Variants in GALNT17 observed in about 807,000 individuals in gnomAD.
The protein encoded by GALNT17 is UDP-GalNAc:polypeptide N-acetylgalactosaminyltransferase-like 3.
GALNT17 carries 29 observed loss-of-function variants against 63.7 expected under a neutral mutation model. That is an observed-to-expected ratio of 0.46 (90% confidence interval 0.34 to 0.62). The LOEUF is 0.62. GALNT17 is among the 20% of genes least tolerant of loss of function. GALNT17 has a pLI of 0.01. For synonymous variants in GALNT17, 305 were observed against 318.3 expected (o/e 0.96, Z 0.45); for missense variants, 603 against 799.6 (o/e 0.75, Z 2.97).
chr7:71,703,475 A>C (rs900748955), intron 9 of GALNT17, among the ~76,000 whole-genome samples: 1 of 152,200 alleles, frequency 6.6e-6, no homozygotes, highest in African/African-American at 2.4e-5. Context: ...CACCAAGGGG[A>C]TGGTGCTTAA....
chr7:71,558,869 A>T (rs1428841311), intron 5 of GALNT17, among the ~76,000 whole-genome samples: 1 of 152,224 alleles, frequency 6.6e-6, no homozygotes, highest in East Asian at 1.9e-4. Flanking sequence ...AGCCAAGGAA[A>T]TGAGTTTTGA....
At chr7:71,352,721 C>A (rs1475911300) in intron 2 of GALNT17, among the ~76,000 whole-genome samples, 2 of 152,078 alleles carry the variant, frequency 1.3e-5, no homozygotes, top group African/African-American at 2.4e-5. Flanking sequence ...GGCAGCAGCC[C>A]AGGAGTGAGT....
intron 6 of GALNT17, among the ~76,000 whole-genome samples, chr7:71,647,316 G>T (rs562548900): frequency 6.6e-6 from 1 of 150,806 alleles, no homozygotes; most frequent in Non-Finnish European, 1.5e-5. Context: ...TGATCTGCCT[G>T]CCTCGGCCTC....
chr7:71,518,962 G>A (rs893382712), intron 5 of GALNT17, among the ~76,000 whole-genome samples: 5 of 152,166 alleles, frequency 3.3e-5, no homozygotes, highest in South Asian at 2.1e-4. Flanking sequence ...GGAGAAAGAC[G>A]TCATTTCTTC....
intron 9 of GALNT17, among the ~76,000 whole-genome samples, chr7:71,710,276 G>A (rs1264373034): frequency 1.3e-5 from 2 of 152,148 alleles, no homozygotes; most frequent in Admixed American, 1.3e-4. Context: ...TTGAGAAGCC[G>A]AGGTGGGCAG....
In GALNT17 at chr7:71,467,026, A is replaced by T. The variant is rs189495522; in HGVS notation, c.962+45921A>T. ...CTGGGCAAAACAAACCTCTAAACTG[A>T]TTAAGACATGTCTTGGGTAATTTTT... On this transcript the variant is annotated intron_variant, in intron 5 of 10. Transcript: ENST00000333538. Among the ~76,000 whole-genome samples, 177 of 152,152 alleles carry T rather than the reference A, an allele frequency of 1.2e-3. 2 individuals carry two copies. Among genetic ancestry groups the T allele is most frequent in the African/African-American group, 4.1e-3 (171 of 41,522 alleles).
rs1215453893 is a variant in GALNT17 at position 71,560,356 on chromosome 7, G to A, written c.963-10929G>A. Reference sequence around the variant, plus strand: ...GGTCTTTTGGCCACCGTGGCTTACCGTTATCCCCGCAAAACAGGATCCATT... The same window carrying A: ...GGTCTTTTGGCCACCGTGGCTTACCATTATCCCCGCAAAACAGGATCCATT... On this transcript the variant is annotated intron_variant, in intron 5 of 10. Coordinates refer to ENST00000333538, the MANE Select transcript of GALNT17 (RefSeq NM_022479.3). Among the ~76,000 whole-genome samples the A allele has an allele frequency of 3.9e-5, 6 of 151,942 alleles. No individual in the cohort carries two copies. The East Asian group carries it at 5.8e-4, about 15-fold the overall frequency.
chr7:71,394,451 C>A (rs1193837136), intron 3 of GALNT17, among the ~76,000 whole-genome samples: 1 of 152,128 alleles, frequency 6.6e-6, no homozygotes, highest in Non-Finnish European at 1.5e-5. Flanking sequence ...ACTGGGATCA[C>A]TTGTGATTCT....
chr7:71,186,194 C>A (rs1053905938), intron 1 of GALNT17, among the ~76,000 whole-genome samples: 1 of 152,146 alleles, frequency 6.6e-6, no homozygotes, highest in African/African-American at 2.4e-5. Flanking sequence ...TTAATATTTT[C>A]TGGCTAATTT....
chr7:71,367,920 A>G (rs139349702), intron 2 of GALNT17, among the ~76,000 whole-genome samples: 1,849 of 152,126 alleles, frequency 0.012, 13 homozygotes, highest in Non-Finnish European at 0.021. Flanking sequence ...ATGGAGCCAC[A>G]CAGAGAACTA....
intron 1 of GALNT17, among the ~76,000 whole-genome samples, chr7:71,194,301 T>C (rs192300122): frequency 6.6e-6 from 1 of 152,320 alleles, no homozygotes. Context: ...GAGCTTAGAC[T>C]GTGGTCCTCA....
chr7:71,413,563 AG>A (rs1357148876), intron 3 of GALNT17, among the ~76,000 whole-genome samples: 1 of 151,414 alleles, frequency 6.6e-6, no homozygotes, highest in Non-Finnish European at 1.5e-5. Context: ...TAGAAGAGAC[AG>A]GGTTTCTCCA....
At chr7:71,263,315 C>T (rs182367128) in intron 1 of GALNT17, among the ~76,000 whole-genome samples, 10 of 152,040 alleles carry the variant, frequency 6.6e-5, no homozygotes, top group South Asian at 2.1e-4. Context: ...GCTGAGATTG[C>T]GCTACTGCAC....
intron 9 of GALNT17, among the ~76,000 whole-genome samples, chr7:71,679,077 T>C (rs1309270900): frequency 6.6e-6 from 1 of 152,086 alleles, no homozygotes; most frequent in African/African-American, 2.4e-5. Flanking sequence ...CTGGGAAGCC[T>C]AGACCTTCTC....
At chr7:71,705,914 A>G (rs1323776870) in intron 9 of GALNT17, among the ~76,000 whole-genome samples, 3 of 152,174 alleles carry the variant, frequency 2.0e-5, no homozygotes, top group African/African-American at 7.2e-5. Context: ...GGAAGAAGAG[A>G]CGCTCAAGGA....
At chr7:71,701,751 ATGTATATATATGTGTATATATATG>A (rs1452929489) in intron 9 of GALNT17, among the ~76,000 whole-genome samples, 5 of 20,794 alleles carry the variant, frequency 2.4e-4, no homozygotes, top group Non-Finnish European at 3.6e-4. Flanking sequence ...GTGTATATAT[ATGTATATATATGTGTATATATATG>A]TGTGTGTGTA....
At chr7:71,367,958 C>T (rs1792545890) in intron 2 of GALNT17, among the ~76,000 whole-genome samples, 1 of 152,176 alleles carries the variant, frequency 6.6e-6, no homozygotes, top group African/African-American at 2.4e-5. Flanking sequence ...GCACTGGACC[C>T]TAGGAGAGGA....
At chr7:71,582,264 A>C (rs1258864378) in intron 6 of GALNT17, among the ~76,000 whole-genome samples, 3 of 152,068 alleles carry the variant, frequency 2.0e-5, no homozygotes, top group Non-Finnish European at 4.4e-5. Context: ...AATGCCCATC[A>C]ATCAAAGAGT....
intron 1 of GALNT17, among the ~76,000 whole-genome samples, chr7:71,192,538 A>G (rs1178596341): frequency 6.6e-6 from 1 of 151,748 alleles, no homozygotes; most frequent in African/African-American, 2.4e-5. Context: ...CGGGATTACA[A>G]GTATGTGCCA....
Sources: allele counts gnomAD v4.1 joint callset (sites outside exome capture counted in the v4.1 genomes callset), GRCh38; gene constraint gnomAD v4.1.1; transcripts MANE v1.5; gene names NCBI Gene and HGNC (gene_info 2026-07-23, HGNC 2026-07-21).